GLMN: variants seen among roughly 807,000 people sequenced by gnomAD.
The protein encoded by GLMN is glomulin.
In GLMN, 75 loss-of-function variants were observed where a neutral mutation model predicts 87.8. That is an observed-to-expected ratio of 0.85 (90% CI 0.71 to 1.04). GLMN has a LOEUF of 1.04. Among genes scored for constraint, GLMN ranks in the 50% least tolerant of loss-of-function variants. GLMN has a pLI of 0.00. For synonymous variants in GLMN, 206 were observed against 221.6 expected, an observed-to-expected ratio of 0.93 and a Z score of 0.63; for missense variants, 588 against 658.8, an observed-to-expected ratio of 0.89 and a Z score of 1.18.
chr1:92,315,278 A>G, the GLMN span, among the ~76,000 whole-genome samples: 1 of 152,214 alleles, frequency 6.6e-6, no homozygotes, highest in African/African-American at 2.4e-5. Context: ...CAGTCAGAAC[A>G]CACACATTTA....
intron 7 of GLMN, among the ~76,000 whole-genome samples, chr1:92,279,456 C>CA (rs35221344): frequency 0.56 from 39,489 of 70,960 alleles, 10,562 homozygotes; most frequent in East Asian, 0.93. Flanking sequence ...GACTCTGTCA[C>CA]AAAAAAAAAA....
the GLMN span, among the ~76,000 whole-genome samples, chr1:92,333,743 A>G: frequency 6.6e-6 from 1 of 152,186 alleles, no homozygotes; most frequent in Non-Finnish European, 1.5e-5. Flanking sequence ...CTCCCACCTA[A>G]TCAGTGAAGT....
chr1:92,261,286 C>T (rs905006088), intron 16 of GLMN, among the ~76,000 whole-genome samples: 3 of 152,180 alleles, frequency 2.0e-5, no homozygotes, highest in Non-Finnish European at 4.4e-5. Context: ...ACTTTTTTCA[C>T]CTACATTATC....
At chr1:92,280,750 A>G (rs903079032) in intron 7 of GLMN, among the ~76,000 whole-genome samples, 2 of 152,232 alleles carry the variant, frequency 1.3e-5, no homozygotes, top group African/African-American at 4.8e-5. Context: ...TAACTAGAAT[A>G]AACAGTGTAG....
the GLMN span, among the ~76,000 whole-genome samples, chr1:92,308,887 G>C: frequency 6.6e-6 from 1 of 152,110 alleles, no homozygotes; most frequent in Admixed American, 6.5e-5. Flanking sequence ...TTGAACCTGG[G>C]AGGCGGAGGT....
chr1:92,280,550 G>A (rs779576904), intron 7 of GLMN, among the ~76,000 whole-genome samples: 8 of 152,164 alleles, frequency 5.3e-5, no homozygotes, highest in South Asian at 2.1e-4. Context: ...AAAACAGAGC[G>A]CCTCTGCTCT....
At chr1:92,332,283 C>T in the GLMN span, among the ~76,000 whole-genome samples, 3 of 151,790 alleles carry the variant, frequency 2.0e-5, no homozygotes, top group Non-Finnish European at 2.9e-5. Flanking sequence ...TTTTAAATAC[C>T]GTATTTTTCT....
intron 4 of GLMN, among the ~76,000 whole-genome samples, chr1:92,290,653 A>G (rs1337336735): frequency 1.3e-5 from 2 of 152,130 alleles, no homozygotes; most frequent in Admixed American, 1.3e-4. Flanking sequence ...CTAGTCTGGA[A>G]TCTCTTTTGT....
chr1:92,370,455 A>G, the GLMN span, among the ~76,000 whole-genome samples: 7,327 of 152,036 alleles, frequency 0.048, 604 homozygotes, highest in African/African-American at 0.17. Context: ...GAGCTTTCGT[A>G]CCCCCCCACC....
Position 92,281,479 on chromosome 1 carries a change from T to C in GLMN, c.735+5011A>G, listed in dbSNP as rs547449115. Among the ~76,000 whole-genome samples, 136 of 152,192 alleles carry C rather than the reference T, an allele frequency of 8.9e-4. 1 individual carries two copies. The highest frequency in any genetic ancestry group is 2.8e-3 in the African/African-American group (115 of 41,540). On this transcript the variant is annotated intron_variant, in intron 7 of 18. Coordinates refer to ENST00000370360, the MANE Select transcript of GLMN (RefSeq NM_053274.3). Reference sequence around the variant, plus strand: ...AAGCTCCTGAAGGATTTACTAAACATGAATAGGAACGACCGGTACCAGCTA... The same window carrying C: ...AAGCTCCTGAAGGATTTACTAAACACGAATAGGAACGACCGGTACCAGCTA...
chr1:92,329,241 C>A, the GLMN span, among the ~76,000 whole-genome samples: 7 of 152,132 alleles, frequency 4.6e-5, no homozygotes, highest in Non-Finnish European at 1.0e-4. Context: ...CCTTTGTCTT[C>A]GGCTACCAGG....
At chr1:92,355,683 C>T in the GLMN span, among the ~76,000 whole-genome samples, 1 of 152,144 alleles carries the variant, frequency 6.6e-6, no homozygotes, top group Non-Finnish European at 1.5e-5. Flanking sequence ...TGACATTATA[C>T]AGGTTAAGTA....
At chr1:92,370,795 G>A in the GLMN span, among the ~76,000 whole-genome samples, 4 of 152,048 alleles carry the variant, frequency 2.6e-5, no homozygotes, top group Admixed American at 2.6e-4. Context: ...AAACAGTTGA[G>A]TCTTCATTTT....
At chr1:92,253,847 C>T (rs1341685209) in intron 16 of GLMN, among the ~76,000 whole-genome samples, 1 of 152,172 alleles carries the variant, frequency 6.6e-6, no homozygotes, top group Non-Finnish European at 1.5e-5. Context: ...ATTCCAAGCA[C>T]ACGAACACCT....
At chr1:92,314,328 T>C in the GLMN span, among the ~76,000 whole-genome samples, 2 of 151,294 alleles carry the variant, frequency 1.3e-5, no homozygotes, top group African/African-American at 4.9e-5. Context: ...TTGTTGCTGT[T>C]GCTGTTGTTT....
At chr1:92,248,638 A>G (rs1653007937) in intron 16 of GLMN, among the ~76,000 whole-genome samples, 1 of 152,184 alleles carries the variant, frequency 6.6e-6, no homozygotes, top group Non-Finnish European at 1.5e-5. Flanking sequence ...TTACAAAGGA[A>G]AATGTCTTAG....
chr1:92,315,331 C>T, the GLMN span, among the ~76,000 whole-genome samples: 1 of 151,986 alleles, frequency 6.6e-6, no homozygotes, highest in African/African-American at 2.4e-5. Context: ...TTCATGGTAC[C>T]CCAAAGCAAT....
chr1:92,250,674 A>ATACTT (rs1653351144), intron 16 of GLMN, among the ~76,000 whole-genome samples: 2 of 152,306 alleles, frequency 1.3e-5, no homozygotes, highest in South Asian at 4.1e-4. Context: ...TTTAATCTTA[A>ATACTT]TACTTTAATG....
chr1:92,282,664 C>A (rs1264435363), intron 7 of GLMN, among the ~76,000 whole-genome samples: 1 of 151,572 alleles, frequency 6.6e-6, no homozygotes, highest in Non-Finnish European at 1.5e-5. Context: ...AAAAACCCTT[C>A]AAAAAAAATC....
Sources: gnomAD v4.1 joint callset for allele counts (sites outside exome capture counted in the v4.1 genomes callset) on GRCh38, gnomAD v4.1.1 for gene constraint, MANE v1.5 for transcripts, NCBI Gene and HGNC (gene_info 2026-07-23, HGNC 2026-07-21) for gene names.